SCN8A: variants seen among roughly 807,000 people sequenced by gnomAD.
The protein encoded by SCN8A is sodium channel protein type 8 subunit alpha.
In SCN8A, 30 loss-of-function variants were observed where a neutral mutation model predicts 184.1. The observed-to-expected ratio is 0.16, with a 90% CI of 0.12 to 0.22. The LOEUF (loss-of-function observed/expected upper bound fraction) is 0.22, where lower values mean the gene tolerates loss of function less well. Ranked by LOEUF, SCN8A falls within the 10% of genes least tolerant of loss-of-function variation. The pLI is 1.00. For missense variants in SCN8A, 1,057 were observed against 2,498.9 expected (o/e 0.42, Z 12.30); for synonymous variants, 852 against 907.0 (o/e 0.94, Z 1.09).
intron 1 of SCN8A, among the ~76,000 whole-genome samples, chr12:51,614,968 T>C (rs1939803391): frequency 6.6e-6 from 1 of 152,250 alleles, no homozygotes; most frequent in Non-Finnish European, 1.5e-5. Context: ...TTTATTCATC[T>C]TACTTAACTG....
chr12:51,786,145 CA>C (rs1938078757), intron 21 of SCN8A, among the ~76,000 whole-genome samples: 1 of 152,100 alleles, frequency 6.6e-6, no homozygotes, highest in African/African-American at 2.4e-5. Context: ...CCTTGTTTTT[CA>C]GAGGGGGAAT....
At chr12:51,696,795 C>T (rs1013843076) in intron 6 of SCN8A, among the ~76,000 whole-genome samples, 7 of 151,890 alleles carry the variant, frequency 4.6e-5, no homozygotes, top group African/African-American at 1.5e-4. Flanking sequence ...CTTTGGGAGG[C>T]CAAGGTGGGC....
rs1380184633 is a variant in SCN8A, at chr12:51,719,637, G to C, written c.1636-1909G>C. 2.0e-3 allele frequency among the ~76,000 whole-genome samples: 172 copies of C among 85,814 alleles called. 2 individuals are homozygous for C. The highest frequency in any genetic ancestry group is 2.5e-3 in the Non-Finnish European group (112 of 44,036). The allele number at this position is 85,814 out of a possible 152,430, so 56.3% of individuals were successfully genotyped here. A position where few individuals can be genotyped will look rare whatever the true frequency, so the allele number is the denominator to read the frequency against. ...ACTTGAACCCAGGAGTTCGAGATCAGCCTGGGCAACATAGAGAAGTAAATT... is the reference window on the plus strand; with the variant it reads ...ACTTGAACCCAGGAGTTCGAGATCACCCTGGGCAACATAGAGAAGTAAATT... On this transcript the variant is annotated intron_variant, in intron 11 of 26. Coordinates refer to ENST00000627620, the MANE Select transcript of SCN8A (RefSeq NM_001330260.2).
chr12:51,608,470 G>C (rs546549815), intron 1 of SCN8A, among the ~76,000 whole-genome samples: 1 of 151,978 alleles, frequency 6.6e-6, no homozygotes, highest in African/African-American at 2.4e-5. Flanking sequence ...AAGCTAGGAG[G>C]GTTGTATTTT....
chr12:51,670,243 C>T (rs886270633), intron 2 of SCN8A, among the ~76,000 whole-genome samples: 1 of 152,178 alleles, frequency 6.6e-6, no homozygotes, highest in Non-Finnish European at 1.5e-5. Context: ...TCAGATTTCT[C>T]TTTTGTAGCC....
intron 24 of SCN8A, 84 bp downstream of exon 24, chr12:51,789,502 T>C: frequency 7.2e-7 from 1 of 1,397,168 alleles, no homozygotes. Context: ...AAAGAAAATG[T>C]CCCTCTTTCT....
intron 12 of SCN8A, among the ~76,000 whole-genome samples, chr12:51,729,328 C>A (rs1227446026): frequency 6.6e-6 from 1 of 152,134 alleles, no homozygotes; most frequent in Non-Finnish European, 1.5e-5. Context: ...ACTCTCCTAC[C>A]CGTTTCTAAT....
At chr12:51,710,256 A>G (rs1442616022) in intron 11 of SCN8A, among the ~76,000 whole-genome samples, 1 of 152,134 alleles carries the variant, frequency 6.6e-6, no homozygotes, top group Admixed American at 6.5e-5. Context: ...TTCATTCTCC[A>G]GTCTCTGTGC....
At position 51,699,710 on chromosome 12, in the gene SCN8A, G is replaced by C; in HGVS notation, c.847G>C (p.Val283Leu). 6.2e-7 allele frequency: 1 copy of C among 1,613,956 alleles called. No individual in the cohort carries two copies. The highest frequency in any genetic ancestry group is 1.1e-5 in the South Asian group (1 of 91,076). ...GGGGAACCTTCGAAACAAGTGTGTT[G>C]TGTGGCCCATAAACTTCAACGAGAG... is the stretch of plus-strand genomic sequence containing the variant. ...FMGNLRNKCVVWPINFNESYL... is the reference protein window; with the variant it reads ...FMGNLRNKCVLWPINFNESYL... Residue 283 changes from valine to leucine, a missense_variant, in exon 7 of 27, where the codon GTG becomes CTG. Val to Leu is a conservative substitution (Grantham distance 32). Around this residue, in one of 19 missense-constraint regions of SCN8A, gnomAD observed 26 missense variants for 44.4 expected, o/e 0.59. Transcript: ENST00000627620.
At position 51,646,894 on chromosome 12, in the gene SCN8A, A is replaced by G. The variant is rs575584985; in HGVS notation, c.-54-15870A>G. Among the ~76,000 whole-genome samples the G allele has an allele frequency of 3.3e-5, 5 of 152,378 alleles. No individual in the cohort carries two copies. In the East Asian group the frequency reaches 9.6e-4, roughly 29 times the overall value. Reference sequence around the variant, plus strand: ...AGCGGATACTAGTAGCTTGGTAGCTATATGGATGTATGTACAAGGTGGAAA... The same window carrying G: ...AGCGGATACTAGTAGCTTGGTAGCTGTATGGATGTATGTACAAGGTGGAAA... On this transcript the variant is annotated intron_variant, in intron 1 of 26. Coordinates refer to ENST00000627620, the MANE Select transcript of SCN8A (RefSeq NM_001330260.2).
intron 11 of SCN8A, among the ~76,000 whole-genome samples, chr12:51,710,328 T>C (rs1294172659): frequency 6.6e-6 from 1 of 152,152 alleles, no homozygotes; most frequent in Non-Finnish European, 1.5e-5. Context: ...TATATGATGT[T>C]TGTTTTCTAC....
chr12:51,684,332 C>T, intron 3 of SCN8A, 40 bp downstream of exon 3: 1 of 949,928 alleles, frequency 1.1e-6, no homozygotes, highest in Non-Finnish European at 1.7e-6. Context: ...GCGGCAATTG[C>T]ATGGTTGCTT....
chr12:51,759,685 T>A (rs1942733877), intron 14 of SCN8A, among the ~76,000 whole-genome samples: 1 of 152,210 alleles, frequency 6.6e-6, no homozygotes, highest in Non-Finnish European at 1.5e-5. Context: ...GATCCTCAAC[T>A]ACCCTTTGAG....
intron 20 of SCN8A, 88 bp from the exon 21 acceptor site, chr12:51,780,561 C>CTTTTTTTTTTTTTTTTT (rs1565923413): frequency 4.4e-6 from 2 of 457,856 alleles, no homozygotes; most frequent in African/African-American, 2.2e-4. Context: ...CCTCTGTTTT[C>CTTTTTTTTTTTTTTTTT]TTTCTTTTTT....
At chr12:51,661,945 G>A (rs1940933142) in intron 1 of SCN8A, among the ~76,000 whole-genome samples, 1 of 152,192 alleles carries the variant, frequency 6.6e-6, no homozygotes. Flanking sequence ...ATTTTTGTTT[G>A]CAACTGTTCT....
intron 1 of SCN8A, among the ~76,000 whole-genome samples, chr12:51,593,963 C>T (rs975706359): frequency 6.6e-6 from 1 of 152,130 alleles, no homozygotes; most frequent in Non-Finnish European, 1.5e-5. Flanking sequence ...GGAAGTAATC[C>T]GATAGCTGGC....
intron 14 of SCN8A, among the ~76,000 whole-genome samples, chr12:51,755,192 T>A (rs918842079): frequency 1.3e-5 from 2 of 152,246 alleles, no homozygotes; most frequent in African/African-American, 4.8e-5. Context: ...ACTGTATACT[T>A]AATAGGTATT....
chr12:51,663,842 A>G (rs923689050), intron 2 of SCN8A, among the ~76,000 whole-genome samples: 1 of 151,674 alleles, frequency 6.6e-6, no homozygotes, highest in Non-Finnish European at 1.5e-5. Flanking sequence ...TCCACCAGCT[A>G]AATAATTGAA....
intron 9 of SCN8A, among the ~76,000 whole-genome samples, chr12:51,703,164 A>G (rs1027432106): frequency 3.6e-4 from 55 of 152,082 alleles, no homozygotes; most frequent in Non-Finnish European, 6.0e-4. Flanking sequence ...AGAATCTGCT[A>G]TCTCTATCTA....
Sources: gnomAD v4.1 joint callset for allele counts (sites outside exome capture counted in the v4.1 genomes callset) on GRCh38, gnomAD v4.1.1 for gene constraint, gnomAD v4.1.1 regional missense constraint, MANE v1.5 for transcripts, NCBI Gene and HGNC (gene_info 2026-07-23, HGNC 2026-07-21) for gene names.